TENM1: variants seen among roughly 807,000 people sequenced by gnomAD.
The protein encoded by TENM1 is teneurin-1.
In TENM1, 35 loss-of-function variants were observed where a neutral mutation model predicts 174.8. That is an observed-to-expected ratio of 0.20 (90% CI 0.15 to 0.27). The LOEUF (loss-of-function observed/expected upper bound fraction) is 0.27, where lower values mean the gene tolerates loss of function less well. Ranked by LOEUF, TENM1 falls within the 10% of genes least tolerant of loss-of-function variation. The pLI is 1.00. For synonymous variants in TENM1, 781 were observed against 798.7 expected (o/e 0.98, Z 0.37); for missense variants, 1,633 against 2,130.1 (o/e 0.77, Z 4.59).
chrX:124,661,668 C>T (rs750979377), intron 6 of TENM1, among the ~76,000 whole-genome samples: 92 of 111,708 alleles, frequency 8.2e-4, no homozygotes, highest in African/African-American at 2.7e-3. Flanking sequence ...GAATATAAGT[C>T]CCCAGAGGAT....
intron 3 of TENM1, among the ~76,000 whole-genome samples, chrX:124,816,050 C>T (rs770871727): frequency 1.8e-5 from 2 of 111,230 alleles, no homozygotes; most frequent in African/African-American, 3.3e-5. Flanking sequence ...GAATAGAAAA[C>T]GTTTGTGTTT....
In TENM1 at chrX:124,764,681, G is replaced by GT. The variant is rs201275180; in HGVS notation, c.536-27485dup. 3.2e-3 allele frequency among the ~76,000 whole-genome samples: 286 copies of GT among 88,642 alleles called. 1 individual carries two copies. Among genetic ancestry groups the GT allele is most frequent in the East Asian group, 4.3e-3 (12 of 2,811 alleles). The allele number at this position is 88,642 out of a possible 115,157, so 77.0% of individuals were successfully genotyped here. A position where few individuals can be genotyped will look rare whatever the true frequency, so the allele number is the denominator to read the frequency against. ...TTTTGAGGTATGCTTTGTTTGGACT[G>GT]TTTTTTTTTTTTTTTTACATTGGAA... is the stretch of plus-strand genomic sequence containing the variant. On this transcript the variant is annotated intron_variant, in intron 3 of 31. Coordinates refer to ENST00000422452, the Ensembl canonical transcript of TENM1.
the TENM1 span, among the ~76,000 whole-genome samples, chrX:125,176,073 G>T: frequency 2.7e-5 from 3 of 111,415 alleles, no homozygotes; most frequent in Non-Finnish European, 5.7e-5. Context: ...CATTGTAAGA[G>T]ATTTTACTAG....
rs145043873 is a variant in TENM1 at position 124,937,132 on chromosome X, A to G, written c.217+26405T>C. On this transcript the variant is annotated intron_variant, in intron 1 of 31. Coordinates refer to ENST00000422452, the Ensembl canonical transcript of TENM1. ...CCGTAAATAAATACTGGCAAAAACCACTAAAGATATTCACCCATTTATTTA... is the reference window on the plus strand; with the variant it reads ...CCGTAAATAAATACTGGCAAAAACCGCTAAAGATATTCACCCATTTATTTA... Among the ~76,000 whole-genome samples the G allele has an allele frequency of 1.5e-3, 169 of 111,604 alleles. 1 individual carries two copies. The highest frequency in any genetic ancestry group is 5.2e-3 in the African/African-American group (160 of 30,720).
chrX:124,562,776 T>C (rs1380197616), intron 13 of TENM1, among the ~76,000 whole-genome samples: 5 of 112,519 alleles, frequency 4.4e-5, no homozygotes, highest in Admixed American at 1.9e-4. Context: ...GGTATTTTCC[T>C]AGTAGCAACA....
chrX:124,460,933 C>T (rs749396990), intron 22 of TENM1, among the ~76,000 whole-genome samples: 1 of 111,571 alleles, frequency 9.0e-6, no homozygotes, highest in South Asian at 3.8e-4. Context: ...TGGGTATTAT[C>T]ATGGGGAGAG....
At chrX:124,444,043 G>T (rs2147816778) in intron 23 of TENM1, among the ~76,000 whole-genome samples, 1 of 112,088 alleles carries the variant, frequency 8.9e-6, no homozygotes, top group East Asian at 2.8e-4. Flanking sequence ...GTATTATGAA[G>T]AATCACAATG....
intron 23 of TENM1, among the ~76,000 whole-genome samples, chrX:124,426,003 TGTGTGTG>T (rs2060711300): frequency 2.5e-4 from 5 of 20,030 alleles, no homozygotes; most frequent in Non-Finnish European, 6.4e-4. Flanking sequence ...CTGGTGTGTG[TGTGTGTG>T]TGTGTGTGTG....
chrX:124,457,694 A>C (rs746642843), intron 22 of TENM1, among the ~76,000 whole-genome samples: 2 of 111,844 alleles, frequency 1.8e-5, no homozygotes, highest in African/African-American at 6.5e-5. Context: ...GAGAGTCCAG[A>C]TGTGGTGCTT....
Position 124,709,457 on chromosome X carries a change from T to G in TENM1, c.777-4206A>C, listed in dbSNP as rs763092813. Among the ~76,000 whole-genome samples, 11 of 110,266 alleles carry G rather than the reference T, an allele frequency of 1.0e-4. No individual in the cohort carries two copies. The South Asian group carries it at 3.9e-3, about 39-fold the overall frequency. ...AGGATGATGTTTAACTGAGCCACAC[T>G]ATTACATTCCTTTTCTGACTAATAA... is the stretch of plus-strand genomic sequence containing the variant. On this transcript the variant is annotated intron_variant, in intron 4 of 31. Transcript: ENST00000422452.
chrX:124,544,263 C>A (rs1185321352), intron 15 of TENM1, among the ~76,000 whole-genome samples: 1 of 112,258 alleles, frequency 8.9e-6, no homozygotes, highest in Non-Finnish European at 1.9e-5. Flanking sequence ...TCTAAGTAGC[C>A]AAAATGGCCC....
the TENM1 span, among the ~76,000 whole-genome samples, chrX:125,068,755 G>A: frequency 9.0e-6 from 1 of 111,729 alleles, no homozygotes; most frequent in Admixed American, 9.5e-5. Flanking sequence ...TTTGATCTGG[G>A]CTTTGAAGAA....
At chrX:124,645,257 C>T (rs1332681851) in exon 10 of TENM1, 1 of 1,210,118 alleles carries the variant, frequency 8.3e-7, no homozygotes. Context: ...ACGTCACACT[C>T]TGGCCCCTTC....
chrX:124,775,904 T>G (rs996994698), intron 3 of TENM1, among the ~76,000 whole-genome samples: 1 of 111,572 alleles, frequency 9.0e-6, no homozygotes, highest in Non-Finnish European at 1.9e-5. Flanking sequence ...ATGTGCTAGT[T>G]CTGTGGGGCC....
At chrX:124,652,153 C>A (rs770156127) in intron 7 of TENM1, 29 bp from the exon 11 acceptor site, 30 of 1,196,722 alleles carry the variant, frequency 2.5e-5, no homozygotes, top group Non-Finnish European at 3.3e-5. Context: ...TGAAGATGAG[C>A]CACTACTTTT....
chrX:124,850,250 T>C (rs1274265495), intron 3 of TENM1, among the ~76,000 whole-genome samples: 1 of 112,035 alleles, frequency 8.9e-6, no homozygotes, highest in Non-Finnish European at 1.9e-5. Context: ...CCAGCCCTCA[T>C]TTTCAGTGAC....
intron 1 of TENM1, 39 bp from the exon 5 acceptor site, chrX:124,896,280 A>G: frequency 8.5e-7 from 1 of 1,169,915 alleles, no homozygotes; most frequent in Non-Finnish European, 1.2e-6. Flanking sequence ...GTTTAGAAGT[A>G]TGAAGAAATC....
At chrX:125,108,290 C>T in the TENM1 span, among the ~76,000 whole-genome samples, 8 of 111,953 alleles carry the variant, frequency 7.1e-5, no homozygotes, top group Admixed American at 2.9e-4. Context: ...ATTGACTCTG[C>T]GGTCCTATAG....
chrX:124,494,643 C>A (rs2047148089), intron 20 of TENM1, among the ~76,000 whole-genome samples: 1 of 108,235 alleles, frequency 9.2e-6, no homozygotes. Flanking sequence ...GGTATATCTC[C>A]CAATGCTATC....
Sources: gnomAD v4.1 joint callset for allele counts (sites outside exome capture counted in the v4.1 genomes callset) on GRCh38, gnomAD v4.1.1 for gene constraint, MANE v1.5 for transcripts, NCBI Gene and HGNC (gene_info 2026-07-23, HGNC 2026-07-21) for gene names.